PTPRD: variants seen among roughly 807,000 people sequenced by gnomAD.
PTPRD encodes the protein receptor-type tyrosine-protein phosphatase delta.
A neutral mutation model predicts 214.5 loss-of-function variants in PTPRD; 34 were observed. The observed-to-expected ratio is 0.16, with a 90% CI of 0.12 to 0.21. PTPRD has a LOEUF of 0.21. Ranked by LOEUF, PTPRD falls within the 10% of genes least tolerant of loss-of-function variation. PTPRD has a pLI of 1.00. For missense variants in PTPRD, 2,545 were observed against 2,398.7 expected, an observed-to-expected ratio of 1.06 and a Z score of -1.27; for synonymous variants, 1,128 against 845.7, an observed-to-expected ratio of 1.33 and a Z score of -5.79.
chr9:9,153,178 C>T (rs1175127044), intron 10 of PTPRD, among the ~76,000 whole-genome samples: 1 of 152,142 alleles, frequency 6.6e-6, no homozygotes, highest in Non-Finnish European at 1.5e-5. Context: ...TTAAAGTAAG[C>T]TTGATTATTA....
chr9:9,880,778 T>G (rs2068423528), intron 5 of PTPRD, among the ~76,000 whole-genome samples: 1 of 152,186 alleles, frequency 6.6e-6, no homozygotes, highest in African/African-American at 2.4e-5. Context: ...CAGCCAAGCA[T>G]GTATTTCTAT....
chr9:10,182,989 G>A (rs752041457), intron 3 of PTPRD, among the ~76,000 whole-genome samples: 1 of 152,032 alleles, frequency 6.6e-6, no homozygotes, highest in African/African-American at 2.4e-5. Context: ...TCTAATCTTG[G>A]CTAAGTTATT....
intron 7 of PTPRD, among the ~76,000 whole-genome samples, chr9:9,631,140 T>A (rs1365589207): frequency 6.6e-6 from 1 of 151,516 alleles, no homozygotes; most frequent in Non-Finnish European, 1.5e-5. Flanking sequence ...ACTCCTTAGC[T>A]GTGTGGTCCT....
intron 14 of PTPRD, among the ~76,000 whole-genome samples, chr9:8,554,662 A>G (rs1228516886): frequency 2.6e-5 from 4 of 152,202 alleles, no homozygotes; most frequent in African/African-American, 9.7e-5. Flanking sequence ...CAGAAATACA[A>G]TTTTATAATG....
intron 45 of PTPRD, 44 bp downstream of exon 45, chr9:8,319,787 A>T (rs1381508071): frequency 6.2e-7 from 1 of 1,609,004 alleles, no homozygotes; most frequent in Non-Finnish European, 8.5e-7. Context: ...AGGCTAGCAA[A>T]ACGTAGGCTC....
At chr9:8,495,280 G>A (rs2097238221) in intron 26 of PTPRD, among the ~76,000 whole-genome samples, 4 of 152,130 alleles carry the variant, frequency 2.6e-5, no homozygotes. Flanking sequence ...TAACACATCT[G>A]CAAAACTTAT....
chr9:9,065,458 G>C (rs563403959), intron 10 of PTPRD, among the ~76,000 whole-genome samples: 94 of 152,308 alleles, frequency 6.2e-4, no homozygotes, highest in Non-Finnish European at 2.6e-4. Context: ...TGTGGCTGCA[G>C]TGTGATGACA....
At chr9:10,418,834 G>C (rs977513164) in intron 2 of PTPRD, among the ~76,000 whole-genome samples, 3 of 151,836 alleles carry the variant, frequency 2.0e-5, no homozygotes, top group Non-Finnish European at 4.4e-5. Flanking sequence ...ACAGCAGAGG[G>C]ACAGAATTAG....
intron 12 of PTPRD, among the ~76,000 whole-genome samples, chr9:8,669,479 C>T (rs1267880440): frequency 2.0e-5 from 3 of 152,058 alleles, no homozygotes; most frequent in African/African-American, 7.2e-5. Flanking sequence ...AATCCCATCC[C>T]TAGAGTTTGG....
rs544297522 is a variant in PTPRD, at chr9:10,386,055, C to T, written c.-599-45038G>A. On this transcript the variant is annotated intron_variant, in intron 2 of 45. Coordinates refer to ENST00000381196, the MANE Select transcript of PTPRD (RefSeq NM_002839.4). ...ATAAAAATATACTGACCCAATTTTTCGAACTGTTTTTAAAATTGAAGGCAT... is the reference window on the plus strand; with the variant it reads ...ATAAAAATATACTGACCCAATTTTTTGAACTGTTTTTAAAATTGAAGGCAT... 5.3e-5 allele frequency among the ~76,000 whole-genome samples: 8 copies of T among 151,448 alleles called. No individual in the cohort carries two copies. In the South Asian group the frequency reaches 1.5e-3, roughly 28 times the overall value.
At chr9:9,547,149 C>T (rs777768208) in intron 8 of PTPRD, among the ~76,000 whole-genome samples, 69 of 151,982 alleles carry the variant, frequency 4.5e-4, no homozygotes, top group Admixed American at 1.0e-3. Context: ...AATACTTCTA[C>T]AAGGAAACCC....
chr9:10,242,220 G>C (rs1228137188), intron 3 of PTPRD, among the ~76,000 whole-genome samples: 2 of 151,950 alleles, frequency 1.3e-5, no homozygotes, highest in African/African-American at 2.4e-5. Flanking sequence ...ATAAGGGCAA[G>C]AGACAGGATC....
chr9:8,573,904 G>C (rs78258376), intron 14 of PTPRD, among the ~76,000 whole-genome samples: 2 of 151,810 alleles, frequency 1.3e-5, no homozygotes, highest in South Asian at 2.1e-4. Flanking sequence ...GTGTGCATAA[G>C]CTTGGCAGAA....
At chr9:8,324,513 G>T (rs1020143565) in intron 44 of PTPRD, among the ~76,000 whole-genome samples, 1 of 152,074 alleles carries the variant, frequency 6.6e-6, no homozygotes, top group African/African-American at 2.4e-5. Flanking sequence ...ATGGACATTT[G>T]GGTTGCTTAC....
intron 2 of PTPRD, among the ~76,000 whole-genome samples, chr9:10,583,603 T>C (rs10756065): frequency 0.23 from 35,239 of 151,604 alleles, 4,679 homozygotes; most frequent in East Asian, 0.56. Flanking sequence ...GCAAGCCTCC[T>C]GAGTAGCTGG....
chr9:8,318,343 G>T (rs1164214636), intron 45 of PTPRD, among the ~76,000 whole-genome samples: 1 of 152,052 alleles, frequency 6.6e-6, no homozygotes, highest in South Asian at 2.1e-4. Flanking sequence ...CTAATTCTCA[G>T]TTTAAATATT....
chr9:8,663,240 GTTTT>G (rs5896252), intron 12 of PTPRD, among the ~76,000 whole-genome samples: 2 of 144,560 alleles, frequency 1.4e-5, no homozygotes, highest in Admixed American at 1.4e-4. Flanking sequence ...CAAGAATCTT[GTTTT>G]TTTTCTTTCC....
chr9:10,170,763 C>T (rs923647571), intron 3 of PTPRD, among the ~76,000 whole-genome samples: 1 of 152,160 alleles, frequency 6.6e-6, no homozygotes, highest in Non-Finnish European at 1.5e-5. Context: ...CAAATATTAT[C>T]ATTTTTGACA....
chr9:10,602,095 T>G (rs1567159934), intron 2 of PTPRD, among the ~76,000 whole-genome samples: 1 of 151,842 alleles, frequency 6.6e-6, no homozygotes, highest in Non-Finnish European at 1.5e-5. Flanking sequence ...GATTTTTGTA[T>G]GTATTTTATG....
Sources: allele counts gnomAD v4.1 joint callset (sites outside exome capture counted in the v4.1 genomes callset), GRCh38; gene constraint gnomAD v4.1.1; transcripts MANE v1.5; gene names NCBI Gene and HGNC (gene_info 2026-07-23, HGNC 2026-07-21).